The following SPTAN1 variants were observed in gnomAD, a reference collection of about 807,000 sequenced individuals.
The protein encoded by SPTAN1 is spectrin alpha chain, non-erythrocytic 1.
SPTAN1 carries 61 observed loss-of-function variants against 331.3 expected under a neutral mutation model. That is an observed-to-expected ratio of 0.18 (90% confidence interval 0.15 to 0.23). The LOEUF is 0.23. Ranked by LOEUF, SPTAN1 falls within the 10% of genes least tolerant of loss-of-function variation. SPTAN1 has a pLI of 1.00. For missense variants in SPTAN1, 2,043 were observed against 3,147.9 expected, an observed-to-expected ratio of 0.65 and a Z score of 8.40; for synonymous variants, 1,153 against 1,173.9, an observed-to-expected ratio of 0.98 and a Z score of 0.36.
chr9:128,632,349 C>A (rs1240454409), intron 53 of SPTAN1, 26 bp downstream of exon 53: 2 of 1,613,452 alleles, frequency 1.2e-6, no homozygotes, highest in African/African-American at 2.7e-5. Flanking sequence ...GTGGGCCAGG[C>A]TCAGCCCAGA....
chr9:128,619,268 A>C (rs1857556714), intron 44 of SPTAN1, among the ~76,000 whole-genome samples: 1 of 152,188 alleles, frequency 6.6e-6, no homozygotes, highest in Non-Finnish European at 1.5e-5. Context: ...TTGAGTCTTC[A>C]TATCAGTTTC....
rs1312396355 is a variant in SPTAN1 at position 128,619,354 on chromosome 9, G to A, written c.5733+351G>A. 3.3e-5 allele frequency among the ~76,000 whole-genome samples: 5 copies of A among 152,336 alleles called. No homozygotes were observed. In the South Asian group the frequency reaches 8.3e-4, roughly 25 times the overall value. On this transcript the variant is annotated intron_variant, in intron 44 of 56. Transcript: ENST00000372739. ...CCACAGACAGAGTGGCACAGATGGA[G>A]TGGCTGAGGACAACAGAGATTTATT...
chr9:128,584,339 G>A lies in SPTAN1; in HGVS notation c.2251G>A (p.Asp751Asn). ...CCAGTTCCAAGATGCTGGCCATTTT[G>A]ATGCAGAAAACATCAAGAAGAAACA... ...ARQFQDAGHF[D>N]AENIKKKQEA... The change falls in exon 17 of 57, where the codon GAT (aspartate) becomes AAT (asparagine). Residue 751 changes from aspartate (D) to asparagine (N), a missense_variant. Physicochemically the swap from Asp to Asn is conservative, Grantham distance 23. Coordinates refer to ENST00000372739, the MANE Select transcript of SPTAN1 (RefSeq NM_001130438.3). 2 of 1,614,184 alleles carry A rather than the reference G, an allele frequency of 1.2e-6. No homozygotes were observed. The highest frequency in any genetic ancestry group is 1.7e-6 in the Non-Finnish European group (2 of 1,180,042).
intron 3 of SPTAN1, among the ~76,000 whole-genome samples, chr9:128,574,005 G>A (rs990456664): frequency 1.1e-4 from 16 of 151,512 alleles, no homozygotes; most frequent in Non-Finnish European, 2.1e-4. Context: ...TGCCCGCCTC[G>A]GCCTCCCAAA....
intron 21 of SPTAN1, among the ~76,000 whole-genome samples, chr9:128,589,952 C>T (rs140917884): frequency 2.8e-4 from 42 of 152,280 alleles, no homozygotes; most frequent in Non-Finnish European, 5.3e-4. Context: ...GACCTCACCC[C>T]ACAGGCTTTG....
intron 44 of SPTAN1, among the ~76,000 whole-genome samples, chr9:128,619,224 C>T (rs932781611): frequency 2.0e-5 from 3 of 152,176 alleles, no homozygotes; most frequent in African/African-American, 4.8e-5. Flanking sequence ...TCTCAGTTCA[C>T]GGGCCCTGTC....
intron 37 of SPTAN1, among the ~76,000 whole-genome samples, chr9:128,610,481 G>A (rs978305552): frequency 1.3e-4 from 20 of 152,140 alleles, no homozygotes; most frequent in African/African-American, 4.6e-4. Context: ...TGAGCCAGAT[G>A]GCTCCATCCT....
At chr9:128,570,309 T>C (rs1343884313) in intron 3 of SPTAN1, among the ~76,000 whole-genome samples, 3 of 36,000 alleles carry the variant, frequency 8.3e-5, no homozygotes, top group Non-Finnish European at 1.6e-4. Context: ...ACAGCTTATA[T>C]ATATATATAT....
intron 20 of SPTAN1, among the ~76,000 whole-genome samples, 179 bp downstream of exon 20, chr9:128,587,877 A>T (rs1031617794): frequency 6.6e-6 from 1 of 152,046 alleles, no homozygotes; most frequent in African/African-American, 2.4e-5. Flanking sequence ...ACAGAGTCTC[A>T]CTCCGTCGCC....
chr9:128,573,777 G>A (rs528844053), intron 3 of SPTAN1, among the ~76,000 whole-genome samples: 3 of 149,748 alleles, frequency 2.0e-5, no homozygotes, highest in East Asian at 2.0e-4. Context: ...TTTTTGAGAC[G>A]GAGTCTCGCT....
Position 128,578,216 on chromosome 9 carries a change from G to T in SPTAN1, c.1192G>T (p.Ala398Ser), listed in dbSNP as rs1428157880. ...ELASDVAGAEALLDRHQEHKG... is the reference protein window; with the variant it reads ...ELASDVAGAESLLDRHQEHKG... ...TGCCAGTGATGTGGCTGGGGCTGAA[G>T]CCCTGCTAGATAGACACCAAGAGCA... The change falls in exon 9 of 57, where the codon GCC becomes TCC. Residue 398 changes from alanine (A) to serine (S), a missense_variant. Physicochemically the swap from Ala to Ser is moderately conservative, Grantham distance 99. Transcript: ENST00000372739. 6.2e-7 allele frequency: 1 copy of T among 1,614,050 alleles called. No individual in the cohort carries two copies. Among genetic ancestry groups the T allele is most frequent in the East Asian group, 2.2e-5 (1 of 44,892 alleles).
Position 128,627,403 on chromosome 9 carries a change from G to A in SPTAN1, c.6594G>A (p.Leu2198=), listed in dbSNP as rs776820062. 3.4e-5 allele frequency: 53 copies of A among 1,551,204 alleles called. 1 individual carries two copies. Among genetic ancestry groups the A allele is most frequent in the Non-Finnish European group, 4.4e-5 (51 of 1,146,992 alleles). ...GCCCTCAGGAGAGGGAGCTGGAGCT[G>A]CAGAAGGAACAGCGGCGGCAGGAGG... The part of the protein sequence containing the change: ...QKIIKERELE[L]QKEQRRQEEN... Residue 2198 remains leucine, a synonymous_variant, in exon 50 of 57, where the codon CTG becomes CTA. Transcript: ENST00000372739. The surrounding 1 kb of genome is among the most constrained non-coding windows in gnomAD (Gnocchi z 4.9).
chr9:128,564,318 C>T (rs1291048593), intron 1 of SPTAN1, among the ~76,000 whole-genome samples: 1 of 151,912 alleles, frequency 6.6e-6, no homozygotes, highest in Non-Finnish European at 1.5e-5. Context: ...ACTTGGGAGG[C>T]TGAGGCAGGA....
rs1276832919 is a variant in SPTAN1, at chr9:128,632,431, G to A, written c.6960G>A (p.Arg2320=). 3 of 1,614,134 alleles carry A rather than the reference G, an allele frequency of 1.9e-6. No homozygotes were observed. Among genetic ancestry groups the A allele is most frequent in the Admixed American group, 3.3e-5 (2 of 60,020 alleles). Residue 2320 remains arginine, a splice_region_variant and synonymous_variant, in exon 54 of 57, where the codon AGG becomes AGA. Coordinates refer to ENST00000372739, the MANE Select transcript of SPTAN1 (RefSeq NM_001130438.3). ...TCCCTAATTTCTGTTTTTCTTCCAG[G>A]AACACAACAGGTGTGACTGAGGAGG... ...QHNLEQQIQA[R]NTTGVTEEAL...
intron 27 of SPTAN1, among the ~76,000 whole-genome samples, chr9:128,602,779 G>T (rs1297301146): frequency 6.6e-6 from 1 of 151,958 alleles, no homozygotes; most frequent in Admixed American, 6.6e-5. Context: ...AGGATTACAG[G>T]CTCACACCAC....
At chr9:128,564,905 T>C (rs1157823815) in intron 1 of SPTAN1, among the ~76,000 whole-genome samples, 1 of 152,224 alleles carries the variant, frequency 6.6e-6, no homozygotes, top group African/African-American at 2.4e-5. Context: ...AGAATACTTC[T>C]ATCCGCCACA....
intron 41 of SPTAN1, 38 bp downstream of exon 41, chr9:128,615,878 T>G: frequency 6.2e-7 from 1 of 1,605,136 alleles, no homozygotes; most frequent in Non-Finnish European, 8.5e-7. Context: ...CCCTTACGCC[T>G]GTAATAGTGG....
Position 128,632,958 on chromosome 9 carries a change from A to G in SPTAN1, c.7308+3A>G. The G allele has an allele frequency of 6.2e-7, 1 of 1,611,672 alleles. No homozygotes were observed. Among genetic ancestry groups the G allele is most frequent in the Non-Finnish European group, 8.5e-7 (1 of 1,180,008 alleles). On this transcript the variant is annotated splice_donor_region_variant and intron_variant, in intron 56 of 56. Coordinates refer to ENST00000372739, the MANE Select transcript of SPTAN1 (RefSeq NM_001130438.3). ...TGACCAAGGAGGAGCTCTACCAGGTATGGGCCTCAGGAGGTGGGTGAAGAG... is the reference window on the plus strand; with the variant it reads ...TGACCAAGGAGGAGCTCTACCAGGTGTGGGCCTCAGGAGGTGGGTGAAGAG...
At chr9:128,591,376 T>A in intron 21 of SPTAN1, 101 bp from the exon 22 acceptor site, 1 of 1,532,294 alleles carries the variant, frequency 6.5e-7, no homozygotes, top group Non-Finnish European at 9.0e-7. Context: ...GTTTTGGACC[T>A]CTTAAAACAA....
Sources: allele counts gnomAD v4.1 joint callset (sites outside exome capture counted in the v4.1 genomes callset), GRCh38; gene constraint gnomAD v4.1.1; non-coding constraint Gnocchi (gnomAD v3.1); transcripts MANE v1.5; gene names NCBI Gene and HGNC (gene_info 2026-07-23, HGNC 2026-07-21).